The following STRA6 variants were observed in gnomAD, a reference collection of about 807,000 sequenced individuals.
The protein encoded by STRA6 is receptor for retinol uptake STRA6.
STRA6 carries 48 observed loss-of-function variants against 83.6 expected under a neutral mutation model. The ratio of observed to expected loss-of-function variants is 0.57; its 90% confidence interval spans 0.46 to 0.73. The LOEUF (loss-of-function observed/expected upper bound fraction) is 0.73, where lower values mean the gene tolerates loss of function less well. Ranked by LOEUF, STRA6 falls within the 30% of genes least tolerant of loss-of-function variation. The pLI, the probability that STRA6 is intolerant of heterozygous loss-of-function variation, is 0.00. For synonymous variants in STRA6, 353 were observed against 362.3 expected (o/e 0.97, Z 0.29); for missense variants, 760 against 838.8 (o/e 0.91, Z 1.16).
At position 74,180,523 on chromosome 15, in the gene STRA6, G is replaced by A. The variant is rs780488293; in HGVS notation, c.1840+259C>T. ...ATACTCCCTGCCCCAAGGGAGAAGC[G>A]GGGGCAGTGACGGAGCCCCTTAGGA... On this transcript the variant is annotated intron_variant, in intron 18 of 18. Coordinates refer to ENST00000395105, the MANE Select transcript of STRA6 (RefSeq NM_022369.4). 3.9e-5 allele frequency among the ~76,000 whole-genome samples: 6 copies of A among 152,174 alleles called. No homozygotes were observed. In the East Asian group the frequency reaches 5.8e-4, roughly 15 times the overall value.
At chr15:74,208,840 CT>C in exon 1 of STRA6, 1 of 988,782 alleles carries the variant, frequency 1.0e-6, no homozygotes, top group Non-Finnish European at 1.2e-6. Context: ...TTCCTTGTCT[CT>C]TTCCTTTCCT....
At chr15:74,208,036 A>G (rs375384427) in intron 1 of STRA6, 4 of 1,349,778 alleles carry the variant, frequency 3.0e-6, no homozygotes, top group African/African-American at 1.5e-5. Flanking sequence ...CCCCCTCACC[A>G]ACAGCATCAT....
intron 1 of STRA6, 42 bp from the exon 2 acceptor site, chr15:74,202,324 T>G: frequency 1.3e-6 from 2 of 1,580,998 alleles, no homozygotes; most frequent in South Asian, 1.2e-5. Context: ...ACTACAGATG[T>G]GAAAAGAGGC....
chr15:74,203,200 T>C (rs767528645), upstream of STRA6: 1 of 976,268 alleles, frequency 1.0e-6, no homozygotes, highest in Non-Finnish European at 1.2e-6. Context: ...ATGTGTCTCA[T>C]TGGTAAACCC....
rs1311406446 is a variant in STRA6 at position 74,184,073 on chromosome 15, C to A, written c.1167-84G>T. The stretch of plus-strand genomic sequence containing the variant: ...TCCTCTGGGCCAGCAACTGGCCAAA[C>A]TCCCAATAGAATTTCAACTCACAGC... On this transcript the variant is annotated intron_variant, in intron 13 of 18. Transcript: ENST00000395105. 1.9e-6 allele frequency: 3 copies of A among 1,578,392 alleles called. No homozygotes were observed. The South Asian group carries it at 3.4e-5, about 18-fold the overall frequency.
intron 1 of STRA6, 65 bp downstream of exon 1, chr15:74,202,648 C>G: frequency 7.1e-7 from 1 of 1,407,564 alleles, no homozygotes; most frequent in Non-Finnish European, 9.2e-7. Context: ...CCAGTCTGAG[C>G]TGCCTAAAGA....
At chr15:74,208,866 C>G (rs953843403) in exon 1 of STRA6, 35 of 989,890 alleles carry the variant, frequency 3.5e-5, no homozygotes, top group Non-Finnish European at 4.2e-5. Context: ...TGATCTCTCC[C>G]GGAAACTTGT....
At position 74,180,923 on chromosome 15, in the gene STRA6, G is replaced by C; in HGVS notation, c.1699C>G (p.Arg567Gly). The C allele has an allele frequency of 6.2e-7, 1 of 1,613,870 alleles. No homozygotes were observed. Among genetic ancestry groups the C allele is most frequent in the Non-Finnish European group, 8.5e-7 (1 of 1,179,958 alleles). Reference protein sequence around the residue: ...ATLDPGYYTYRNFLKIEVSQS... With the variant: ...ATLDPGYYTYGNFLKIEVSQS... The stretch of plus-strand genomic sequence containing the variant: ...CTGACTTCAATCTTCAAGAAGTTTC[G>C]GTACGTGTAGTAGCCTGGGGTGGGG... The change falls in exon 18 of 19, where the codon CGA becomes GGA. Residue 567 changes from arginine (R) to glycine (G), a missense_variant. Coordinates refer to ENST00000395105, the MANE Select transcript of STRA6 (RefSeq NM_022369.4).
chr15:74,190,767 C>A, intron 11 of STRA6, 73 bp downstream of exon 11: 14 of 1,609,864 alleles, frequency 8.7e-6, no homozygotes, highest in Non-Finnish European at 7.6e-6. Flanking sequence ...TGGGTTGGGC[C>A]GGAACTGCTC....
At chr15:74,191,556 T>C (rs2073540755) in intron 8 of STRA6, 65 bp from the exon 9 acceptor site, 1 of 1,404,138 alleles carries the variant, frequency 7.1e-7, no homozygotes, top group Non-Finnish European at 1.0e-6. Flanking sequence ...GGTCCCTGGC[T>C]CAGGGAACTA....
At chr15:74,209,981 G>A (rs1020397702), upstream of STRA6, among the ~76,000 whole-genome samples, 12 of 152,162 alleles carry the variant, frequency 7.9e-5, no homozygotes, top group Non-Finnish European at 1.8e-4. Context: ...GGCTTCCAAT[G>A]ATAGTAAAAG....
In STRA6 at chr15:74,189,185, A is replaced by C; in HGVS notation, c.1020T>G (p.Phe340Leu). The change falls in exon 12 of 19, where the codon TTT becomes TTG. Residue 340 changes from phenylalanine (F) to leucine (L), a missense_variant. Physicochemically the swap from Phe to Leu is conservative, Grantham distance 22. Coordinates refer to ENST00000395105, the MANE Select transcript of STRA6 (RefSeq NM_022369.4). ...TTDVSYLLAG[F>L]GIVLSEDKQE... is the part of the protein sequence containing the mutation. Reference sequence around the variant, plus strand: ...GCTTGTCCTCGGAGAGCACGATTCCAAAGCCGGCCAGCAGGTAGGAGACAT... The same window carrying C: ...GCTTGTCCTCGGAGAGCACGATTCCCAAGCCGGCCAGCAGGTAGGAGACAT... 1 of 1,613,978 alleles carries C rather than the reference A, an allele frequency of 6.2e-7. No individual in the cohort carries two copies. Among genetic ancestry groups the C allele is most frequent in the Non-Finnish European group, 8.5e-7 (1 of 1,179,986 alleles).
At chr15:74,198,585 C>T (rs1007392831) in intron 2 of STRA6, among the ~76,000 whole-genome samples, 2 of 152,214 alleles carry the variant, frequency 1.3e-5, no homozygotes, top group African/African-American at 4.8e-5. Flanking sequence ...TACTCACTGC[C>T]ATCTGAGGTT....
In STRA6 at chr15:74,202,700, C is replaced by T. The variant is rs1218686534; in HGVS notation, c.-16+13G>A. The T allele has an allele frequency of 3.8e-6, 5 of 1,318,370 alleles. No individual in the cohort carries two copies. The highest frequency in any genetic ancestry group is 4.8e-6 in the Non-Finnish European group (5 of 1,038,776). The allele number at this position is 1,318,370 out of a possible 1,614,324, so 81.7% of individuals were successfully genotyped here. ...CCTTTCCCAAGCCCACCTAGACAGA[C>T]CCACAGACACACCAGAAGGGAGGCC... On this transcript the variant is annotated intron_variant, in intron 1 of 18. Coordinates refer to ENST00000395105, the MANE Select transcript of STRA6 (RefSeq NM_022369.4).
intron 2 of STRA6, among the ~76,000 whole-genome samples, chr15:74,201,398 C>T (rs2074056336): frequency 1.3e-5 from 2 of 152,164 alleles, no homozygotes; most frequent in African/African-American, 2.4e-5. Flanking sequence ...GGAGAACTGG[C>T]TCTGGGTCCT....
At position 74,189,108 on chromosome 15, in the gene STRA6, G is replaced by T; in HGVS notation, c.1090+7C>A. The T allele has an allele frequency of 1.2e-6, 2 of 1,613,924 alleles. No individual in the cohort carries two copies. The highest frequency in any genetic ancestry group is 1.7e-6 in the Non-Finnish European group (2 of 1,179,986). ...TGCAGCCCTCAGGGGCTCCCTGGAG[G>T]CCTCACCTTCCAGAGCCCACAGATG... On this transcript the variant is annotated splice_region_variant and intron_variant, in intron 12 of 18. Transcript: ENST00000395105.
Position 74,198,715 on chromosome 15 carries a change from G to A in STRA6, c.114-897C>T, listed in dbSNP as rs554267353. ...CACAAAGATGCTCAGCCAAGGGAAC[G>A]AGCAGGCCACCCTGCTCACCAAACC... On this transcript the variant is annotated intron_variant, in intron 2 of 18. Transcript: ENST00000395105. 4.6e-5 allele frequency among the ~76,000 whole-genome samples: 7 copies of A among 152,316 alleles called. No homozygotes were observed. The South Asian group carries it at 1.0e-3, about 23-fold the overall frequency.
intron 2 of STRA6, among the ~76,000 whole-genome samples, chr15:74,198,977 G>A (rs997866347): frequency 1.3e-5 from 2 of 152,226 alleles, no homozygotes; most frequent in East Asian, 3.9e-4. Flanking sequence ...GGCCCTGGGA[G>A]AGTAGGCAGG....
chr15:74,187,768 G>A (rs2073328841), intron 12 of STRA6, among the ~76,000 whole-genome samples: 1 of 152,160 alleles, frequency 6.6e-6, no homozygotes, highest in South Asian at 2.1e-4. Context: ...GATTCAAAGT[G>A]GGAGCCTTTG....
Sources: allele counts gnomAD v4.1 joint callset (sites outside exome capture counted in the v4.1 genomes callset), GRCh38; gene constraint gnomAD v4.1.1; transcripts MANE v1.5; gene names NCBI Gene and HGNC (gene_info 2026-07-23, HGNC 2026-07-21).